Variants in TEP1 observed in about 807,000 individuals in gnomAD.
TEP1 encodes telomerase associated protein 1, also known as telomerase protein component 1.
Under a neutral mutation model 306.3 loss-of-function variants are expected in TEP1, and 241 were observed. The observed-to-expected ratio is 0.79, with a 90% CI of 0.71 to 0.88. The LOEUF is 0.88. Ranked by LOEUF, TEP1 falls within the 40% of genes least tolerant of loss-of-function variation. The probability of loss-of-function intolerance (pLI) is 0.00; values close to 1 mark genes in which losing one functional copy is unlikely to be tolerated. For missense variants in TEP1, 3,051 were observed against 3,276.1 expected, an observed-to-expected ratio of 0.93 and a Z score of 1.68; for synonymous variants, 1,289 against 1,305.5, an observed-to-expected ratio of 0.99 and a Z score of 0.27.
At chr14:20,377,579 C>T in intron 40 of TEP1, 21 bp downstream of exon 40, 3 of 1,614,076 alleles carry the variant, frequency 1.9e-6, no homozygotes, top group Non-Finnish European at 2.5e-6. Flanking sequence ...CTCAAAAACC[C>T]ACCCATTCCC....
In TEP1 at chr14:20,395,918, A is replaced by G. The variant is rs1281858357; in HGVS notation, c.1691T>C (p.Phe564Ser). ...KSVIHSRQFPFRFLNAHDAID... is the reference protein window; with the variant it reads ...KSVIHSRQFPSRFLNAHDAID... The stretch of plus-strand genomic sequence containing the variant: ...GGCATCATGGGCGTTAAGAAATCTG[A>G]ATGGAAACTGCCGACTGTGGATCAC... The change falls in exon 11 of 55, where the codon TTC becomes TCC. Residue 564 changes from phenylalanine to serine, a missense_variant. Phe to Ser is a radical substitution (Grantham distance 155). Coordinates refer to ENST00000262715, the MANE Select transcript of TEP1 (RefSeq NM_007110.5). 1 of 1,614,058 alleles carries G rather than the reference A, an allele frequency of 6.2e-7. No individual in the cohort carries two copies. Among genetic ancestry groups the G allele is most frequent in the Non-Finnish European group, 8.5e-7 (1 of 1,180,026 alleles).
rs1885352219 is a variant in TEP1, at chr14:20,378,760, G to T, written c.5346C>A (p.Cys1782Ter). ...TGCAGACCCCAAGTCTTACCTTTAG[G>T]CATCCTCCCAAGCACACGGTGGCTA... is the stretch of plus-strand genomic sequence containing the variant. Reference protein sequence around the residue: ...RLLATVCLGGCLKLWDTVRGQ... With the variant: ...RLLATVCLGG Residue 1782 changes from cysteine (C) to a stop codon, truncating the protein, a stop_gained, in exon 37 of 55, where the codon TGC (cysteine) becomes TGA (stop). Coordinates refer to ENST00000262715, the MANE Select transcript of TEP1 (RefSeq NM_007110.5). LOFTEE classifies it high-confidence loss of function. The T allele has an allele frequency of 1.2e-6, 2 of 1,613,966 alleles. No homozygotes were observed. The highest frequency in any genetic ancestry group is 1.3e-5 in the African/African-American group (1 of 74,920).
At position 20,373,722 on chromosome 14, in the gene TEP1, G is replaced by A; in HGVS notation, c.6560C>T (p.Ser2187Leu). 6.2e-7 allele frequency: 1 copy of A among 1,614,192 alleles called. No individual in the cohort carries two copies. The highest frequency in any genetic ancestry group is 8.5e-7 in the Non-Finnish European group (1 of 1,180,038). The part of the protein sequence containing the change: ...GVELTSIPAH[S>L]GPISHCAAAM... ...AGCTGCACAGTGGCTAATGGGTCCT[G>A]AGTGAGCAGGGATGCTGGTCAGCTC... Residue 2187 changes from serine (S) to leucine (L), a missense_variant, in exon 45 of 55, where the codon TCA becomes TTA. Ser to Leu is a moderately radical substitution (Grantham distance 145). Around this residue, in one of 3 missense-constraint regions of TEP1, gnomAD observed 1,540 missense variants for 1,705.9 expected, o/e 0.90. Transcript: ENST00000262715.
chr14:20,377,901 C>G (rs1464438735), intron 39 of TEP1, 123 bp downstream of exon 39: 3 of 1,461,584 alleles, frequency 2.1e-6, no homozygotes, highest in East Asian at 4.6e-5. Context: ...CCCCTCTCCC[C>G]GTGGTTCCTG....
At chr14:20,389,832 G>A (rs1284574989) in intron 15 of TEP1, 92 bp from the exon 16 acceptor site, 6 of 1,512,452 alleles carry the variant, frequency 4.0e-6, no homozygotes, top group Middle Eastern at 1.8e-4. Context: ...GGAGGATTAG[G>A]AGAACTCTGA....
At chr14:20,371,666 C>A (rs1884850779) in intron 49 of TEP1, 34 bp from the exon 50 acceptor site, 3 of 1,532,456 alleles carry the variant, frequency 2.0e-6, no homozygotes, top group Non-Finnish European at 2.6e-6. Context: ...AGAGAAAGAT[C>A]CTATTTTAGT....
Position 20,400,840 on chromosome 14 carries a change from A to C in TEP1, c.1549+144T>G, listed in dbSNP as rs966815118. Reference sequence around the variant, plus strand: ...TACCACTGTTTACTTTGGTGTAGTCAATGGCAGACCTTATAAATCAAATAC... The same window carrying C: ...TACCACTGTTTACTTTGGTGTAGTCCATGGCAGACCTTATAAATCAAATAC... On this transcript the variant is annotated intron_variant, in intron 9 of 54. Transcript: ENST00000262715. 6 of 1,061,742 alleles carry C rather than the reference A, an allele frequency of 5.7e-6. No individual in the cohort carries two copies. In the South Asian group the frequency reaches 1.0e-4, roughly 18 times the overall value. The allele number at this position is 1,061,742 out of a possible 1,614,324, so 65.8% of individuals were successfully genotyped here.
At position 20,395,612 on chromosome 14, in the gene TEP1, GAAGGAAAGGGC is replaced by G; in HGVS notation, c.1755_1765del (p.Leu585PhefsTer12). ...TATCCGCCTCATCAGTGTTATATTC[GAAGGAAAGGGC>G]AATGCTGTATGATGACAGGTAAATT... On this transcript the variant is annotated frameshift_variant, in exon 12 of 55. Coordinates refer to ENST00000262715, the MANE Select transcript of TEP1 (RefSeq NM_007110.5). LOFTEE classifies it high-confidence loss of function. 2.5e-6 allele frequency: 4 copies of G among 1,601,106 alleles called. No homozygotes were observed. Among genetic ancestry groups the G allele is most frequent in the Non-Finnish European group, 3.4e-6 (4 of 1,169,276 alleles).
rs761565557 is a variant in TEP1, at chr14:20,389,230, G to A, written c.2525+8C>T. ...TATCCAACCCTTCAGTATCCATTCT[G>A]TACTCACTTCAGTATCGCATCAGTA... On this transcript the variant is annotated splice_region_variant and intron_variant, in intron 17 of 54. Transcript: ENST00000262715. 2 of 1,613,524 alleles carry A rather than the reference G, an allele frequency of 1.2e-6. No homozygotes were observed. The highest frequency in any genetic ancestry group is 4.5e-5 in the East Asian group (2 of 44,876).
Position 20,384,106 on chromosome 14 carries a change from G to A in TEP1, c.3466C>T (p.Leu1156=). Residue 1156 remains leucine (L), a synonymous_variant, in exon 24 of 55, where the codon CTG becomes TTG. Transcript: ENST00000262715. ...PRLLQDTVQR[L]MLPHGRLSLV... ...CTCAGCCTTCCGTGGGGCAGCATCA[G>A]CCGTTGCACTGTGTCCTGAAGAAGG... 1 of 1,614,030 alleles carries A rather than the reference G, an allele frequency of 6.2e-7. No individual in the cohort carries two copies. Among genetic ancestry groups the A allele is most frequent in the Non-Finnish European group, 8.5e-7 (1 of 1,180,028 alleles).
intron 4 of TEP1, 97 bp from the exon 5 acceptor site, chr14:20,404,869 T>C (rs957112384): frequency 2.2e-6 from 3 of 1,389,016 alleles, no homozygotes; most frequent in Admixed American, 2.7e-5. Flanking sequence ...GTATAAAACC[T>C]TTCCTGAGCC....
Position 20,371,203 on chromosome 14 carries a change from T to C in TEP1, c.7317+15A>G. ...GACGAATGTTTGCTTTAGCACACACTCAAATAGGACTTACCAAGAAAGAAA... is the reference window on the plus strand; with the variant it reads ...GACGAATGTTTGCTTTAGCACACACCCAAATAGGACTTACCAAGAAAGAAA... On this transcript the variant is annotated intron_variant, in intron 51 of 54. Coordinates refer to ENST00000262715, the MANE Select transcript of TEP1 (RefSeq NM_007110.5). 1.9e-6 allele frequency: 3 copies of C among 1,608,322 alleles called. No homozygotes were observed. The highest frequency in any genetic ancestry group is 1.7e-6 in the Non-Finnish European group (2 of 1,174,708).
Position 20,383,418 on chromosome 14 carries a change from C to G in TEP1, c.3868-65G>C, listed in dbSNP as rs184926559. ...AAGGAGAACCACATTGGAGAGGCCT[C>G]TCTCCTCCGTGCCGTATCCCTCCTT... On this transcript the variant is annotated intron_variant, in intron 26 of 54. Transcript: ENST00000262715. 8.6e-4 allele frequency: 1,382 copies of G among 1,608,556 alleles called. 10 individuals are homozygous for G. The African/African-American group carries it at 0.016, about 19-fold the overall frequency.
chr14:20,389,858 T>A, intron 15 of TEP1, 118 bp from the exon 16 acceptor site: 3 of 1,297,080 alleles, frequency 2.3e-6, no homozygotes, highest in Middle Eastern at 2.0e-4. Context: ...GTACCTCTCC[T>A]GAGAGCACAT....
chr14:20,376,346 C>T lies in TEP1; in HGVS notation c.6089-82G>A, dbSNP rs149230338. 4.5e-4 allele frequency: 649 copies of T among 1,453,734 alleles called. 6 individuals carry two copies. The African/African-American group carries it at 8.1e-3, about 18-fold the overall frequency. The allele number at this position is 1,453,734 out of a possible 1,614,324, so 90.1% of individuals were successfully genotyped here. ...CTGGGAGGCCAAAGACAGGAGCGGC[C>T]ATGGGGGCTGAGGGTGACACCTGAG... On this transcript the variant is annotated intron_variant, in intron 41 of 54. Coordinates refer to ENST00000262715, the MANE Select transcript of TEP1 (RefSeq NM_007110.5).
In TEP1 at chr14:20,383,553, C is replaced by T; in HGVS notation, c.3802G>A (p.Ala1268Thr). Residue 1268 changes from alanine (A) to threonine (T), a missense_variant, in exon 26 of 55, where the codon GCT becomes ACT. By Grantham distance (58) the Ala-to-Thr change is moderately conservative (BLOSUM62 0). Transcript: ENST00000262715. ...CCATTCTGGTCCACTAACCTATCAG[C>T]CCCATCGATGATCAGGACCTGGGTC... ...GQTQVLIIDG[A>T]DRLVDQNGQL... The T allele has an allele frequency of 1.2e-6, 2 of 1,614,206 alleles. No individual in the cohort carries two copies. Among genetic ancestry groups the T allele is most frequent in the Non-Finnish European group, 1.7e-6 (2 of 1,180,036 alleles).
intron 12 of TEP1, among the ~76,000 whole-genome samples, chr14:20,392,300 G>A (rs906701217): frequency 1.3e-5 from 2 of 152,280 alleles, no homozygotes; most frequent in Admixed American, 6.5e-5. Flanking sequence ...ATTGGTTCAC[G>A]CAAAGATCAC....
intron 5 of TEP1, 133 bp from the exon 6 acceptor site, chr14:20,404,017 C>T: frequency 8.1e-7 from 1 of 1,235,272 alleles, no homozygotes; most frequent in Non-Finnish European, 1.1e-6. Flanking sequence ...TCCAAAATCA[C>T]AATTTCTGTG....
At chr14:20,368,759 C>CGCAT in intron 54 of TEP1, 39 bp downstream of exon 54, 1 of 1,532,500 alleles carries the variant, frequency 6.5e-7, no homozygotes, top group Non-Finnish European at 8.9e-7. Context: ...GGTGTGCAGG[C>CGCAT]GCACGCACAC....
Sources: allele counts gnomAD v4.1 joint callset (sites outside exome capture counted in the v4.1 genomes callset), GRCh38; gene constraint gnomAD v4.1.1; regional missense constraint gnomAD v4.1.1; transcripts MANE v1.5; gene names NCBI Gene and HGNC (gene_info 2026-07-23, HGNC 2026-07-21).